The following WDR90 variants were observed in gnomAD, a reference collection of about 807,000 sequenced individuals.
WDR90 encodes the protein WD repeat-containing protein 90.
A neutral mutation model predicts 195.2 loss-of-function variants in WDR90; 238 were observed. That is an observed-to-expected ratio of 1.22 (90% CI 1.10 to 1.36). WDR90 has a LOEUF of 1.36. WDR90 is among the 40% of genes most tolerant of loss of function. WDR90 has a pLI of 0.00. For synonymous variants in WDR90, 1,265 were observed against 1,052.4 expected (o/e 1.20, Z -3.91); for missense variants, 2,734 against 2,439.5 (o/e 1.12, Z -2.54).
rs2037604530 is a variant in WDR90 at position 649,869 on chromosome 16, G to A, written c.102+15G>A. The A allele has an allele frequency of 6.3e-7, 1 of 1,575,322 alleles. No homozygotes were observed. Among genetic ancestry groups the A allele is most frequent in the Middle Eastern group, 1.8e-4 (1 of 5,624 alleles). The stretch of plus-strand genomic sequence containing the variant: ...CCGTGGTCACGGTAGGCGGCCGGGG[G>A]CTCGCCCGGAGCCCACACCCCTGCC... On this transcript the variant is annotated intron_variant, in intron 2 of 40. Coordinates refer to ENST00000293879, the MANE Select transcript of WDR90 (RefSeq NM_145294.5).
At position 650,627 on chromosome 16, in the gene WDR90, C is replaced by G; in HGVS notation, c.477C>G (p.Cys159Trp). 6.2e-7 allele frequency: 1 copy of G among 1,612,790 alleles called. No homozygotes were observed. Among genetic ancestry groups the G allele is most frequent in the East Asian group, 2.2e-5 (1 of 44,874 alleles). The stretch of plus-strand genomic sequence containing the variant: ...TTCTCCTGGTCTACCTGAACCGGTG[C>G]TACGGCCATCTCAAGAGCATCAGGC... Reference protein sequence around the residue: ...QDVLLVYLNRCYGHLKSIRLC... With the variant: ...QDVLLVYLNRWYGHLKSIRLC... Residue 159 changes from cysteine to tryptophan, a missense_variant, in exon 5 of 41, where the codon TGC becomes TGG. Coordinates refer to ENST00000293879, the MANE Select transcript of WDR90 (RefSeq NM_145294.5).
At position 656,539 on chromosome 16, in the gene WDR90, T is replaced by G. The variant is rs2151237282; in HGVS notation, c.2202+2T>G. The G allele has an allele frequency of 1.3e-6, 2 of 1,565,026 alleles. No homozygotes were observed. Among genetic ancestry groups the G allele is most frequent in the Non-Finnish European group, 1.7e-6 (2 of 1,157,030 alleles). On this transcript the variant is annotated splice_donor_variant, in intron 18 of 40. Coordinates refer to ENST00000293879, the MANE Select transcript of WDR90 (RefSeq NM_145294.5). LOFTEE classifies it high-confidence loss of function. ...TGGGACCTGGCCACCCTGCAGCAGGTGGGGTTTGGCAGGGGCAGCACGGCA... is the reference window on the plus strand; with the variant it reads ...TGGGACCTGGCCACCCTGCAGCAGGGGGGGTTTGGCAGGGGCAGCACGGCA...
chr16:656,444 G>A lies in WDR90; in HGVS notation c.2109G>A (p.Val703=). The part of the protein sequence containing the change: ...HMLARSHTAP[V]LALAMEQRRG... The stretch of plus-strand genomic sequence containing the variant: ...TGGCTCGCTCCCACACCGCCCCGGT[G>A]TTGGCCCTCGCCATGGAGCAGAGGC... The change falls in exon 18 of 41, where the codon GTG becomes GTA. Residue 703 remains valine (V), a synonymous_variant. Transcript: ENST00000293879. 6.2e-7 allele frequency: 1 copy of A among 1,601,148 alleles called. No individual in the cohort carries two copies. The highest frequency in any genetic ancestry group is 8.5e-7 in the Non-Finnish European group (1 of 1,176,724).
chr16:650,648 C>T lies in WDR90; in HGVS notation c.498C>T (p.Ile166=). 6.2e-7 allele frequency: 1 copy of T among 1,612,774 alleles called. No homozygotes were observed. Among genetic ancestry groups the T allele is most frequent in the South Asian group, 1.1e-5 (1 of 91,084 alleles). ...LNRCYGHLKS[I]RLCASLLVRN... ...GGTGCTACGGCCATCTCAAGAGCAT[C>T]AGGCTGTGCGCCAGCCTGCTGGTCA... Residue 166 remains isoleucine (I), a synonymous_variant, in exon 5 of 41, where the codon ATC becomes ATT. Transcript: ENST00000293879.
At chr16:667,204 G>A (rs974596604) in intron 40 of WDR90, among the ~76,000 whole-genome samples, 3 of 152,228 alleles carry the variant, frequency 2.0e-5, no homozygotes, top group Non-Finnish European at 4.4e-5. Context: ...CTGAATGCAC[G>A]GGTGGCAGCG....
intron 10 of WDR90, among the ~76,000 whole-genome samples, chr16:653,110 C>CT (rs2037678499): frequency 6.6e-6 from 1 of 152,232 alleles, no homozygotes; most frequent in Admixed American, 6.5e-5. Context: ...GTACACGTGT[C>CT]TGCTTGAGTG....
At position 651,539 on chromosome 16, in the gene WDR90, G is replaced by A; in HGVS notation, c.737-105G>A. The A allele has an allele frequency of 2.6e-6, 3 of 1,152,672 alleles. No individual in the cohort carries two copies. In the Admixed American group the frequency reaches 6.0e-5, roughly 23 times the overall value. 71.4% of individuals were successfully genotyped at this position (1,152,672 alleles called of 1,614,324 possible). A position where few individuals can be genotyped will look rare whatever the true frequency, so the allele number is the denominator to read the frequency against. On this transcript the variant is annotated intron_variant, in intron 7 of 40. Coordinates refer to ENST00000293879, the MANE Select transcript of WDR90 (RefSeq NM_145294.5). ...GGATACTGGCTGTGGGTCCTGCAGAGCCGGTGAGGCTGGGCCACTTGCTGC... is the reference window on the plus strand; with the variant it reads ...GGATACTGGCTGTGGGTCCTGCAGAACCGGTGAGGCTGGGCCACTTGCTGC...
At chr16:665,462 G>T in intron 34 of WDR90, 1 of 673,728 alleles carries the variant, frequency 1.5e-6, no homozygotes, top group Non-Finnish European at 2.5e-6. Context: ...GGTTTGACTG[G>T]CTAGTGGGCT....
chr16:650,456 C>A, intron 4 of WDR90, 83 bp from the exon 5 acceptor site: 2 of 1,588,706 alleles, frequency 1.3e-6, no homozygotes, highest in Non-Finnish European at 1.7e-6. Flanking sequence ...TGGAGGACAA[C>A]CTGGCGGGGG....
chr16:661,566 A>T (rs2037914962), intron 30 of WDR90, 31 bp from the exon 31 acceptor site: 1 of 1,579,996 alleles, frequency 6.3e-7, no homozygotes, highest in Non-Finnish European at 8.6e-7. Flanking sequence ...GCATCTGTGC[A>T]CCTGACGTGG....
rs937052077 is a variant in WDR90 at position 661,980 on chromosome 16, C to T, written c.3954C>T (p.Thr1318=). The change falls in exon 32 of 41, where the codon ACC becomes ACT. Residue 1318 remains threonine, a synonymous_variant. Coordinates refer to ENST00000293879, the MANE Select transcript of WDR90 (RefSeq NM_145294.5). The part of the protein sequence containing the change: ...YGAPPLLYCG[T]SSGQVCVWDT... ...CACCTCCCCTGCTCTATTGTGGCAC[C>T]AGCTCTGGCCAGGTCTGTGTCTGGG... is the stretch of plus-strand genomic sequence containing the variant. 5 of 1,605,796 alleles carry T rather than the reference C, an allele frequency of 3.1e-6. No individual in the cohort carries two copies. The highest frequency in any genetic ancestry group is 3.4e-6 in the Non-Finnish European group (4 of 1,179,908).
At chr16:660,442 C>A in intron 27 of WDR90, 170 bp from the exon 28 acceptor site, 1 of 720,164 alleles carries the variant, frequency 1.4e-6, no homozygotes, top group Non-Finnish European at 2.3e-6. Context: ...CCTCCTGGCC[C>A]TGGCACAGTG....
At position 651,241 on chromosome 16, in the gene WDR90, G is replaced by A; in HGVS notation, c.711G>A (p.Glu237=). 3 of 1,613,244 alleles carry A rather than the reference G, an allele frequency of 1.9e-6. No individual in the cohort carries two copies. The highest frequency in any genetic ancestry group is 2.2e-5 in the East Asian group (1 of 44,880). Reference sequence around the variant, plus strand: ...TGAAAGTGCCTTCCAAGCCGATTGAGAAGAGCTGTTCCCCTCCTGAGGCAG... The same window carrying A: ...TGAAAGTGCCTTCCAAGCCGATTGAAAAGAGCTGTTCCCCTCCTGAGGCAG... ...ESLKVPSKPI[E]KSCSPPEAVL... is the part of the protein sequence containing the mutation. The change falls in exon 7 of 41, where the codon GAG becomes GAA. Residue 237 remains glutamate, a synonymous_variant. Transcript: ENST00000293879.
Position 666,351 on chromosome 16 carries a change from G to A in WDR90, c.4740+1G>A, listed in dbSNP as rs374513963. On this transcript the variant is annotated splice_donor_variant, in intron 37 of 40. Transcript: ENST00000293879. LOFTEE classifies it high-confidence loss of function. ...TACCATCTGTGTCACGTGCAAAGAGGTAAAGCAGCCCCAAGAGCTGGGGAG... is the reference window on the plus strand; with the variant it reads ...TACCATCTGTGTCACGTGCAAAGAGATAAAGCAGCCCCAAGAGCTGGGGAG... 1.2e-6 allele frequency: 2 copies of A among 1,612,540 alleles called. No homozygotes were observed. Among genetic ancestry groups the A allele is most frequent in the African/African-American group, 1.3e-5 (1 of 74,938 alleles).
intron 20 of WDR90, 24 bp from the exon 21 acceptor site, chr16:657,738 G>T (rs781714540): frequency 3.9e-6 from 6 of 1,526,126 alleles, no homozygotes; most frequent in Middle Eastern, 1.9e-4. Flanking sequence ...CCACCCAGCT[G>T]ACCCCTGCCC....
intron 18 of WDR90, 64 bp downstream of exon 18, chr16:656,601 G>T (rs1164057715): frequency 1.3e-6 from 2 of 1,575,010 alleles, no homozygotes; most frequent in Non-Finnish European, 8.6e-7. Context: ...GGGTTTGTCA[G>T]CGGGGGTGAG....
chr16:660,795 C>G (rs550791188), intron 28 of WDR90, 81 bp downstream of exon 28: 5 of 1,429,180 alleles, frequency 3.5e-6, no homozygotes, highest in Admixed American at 2.3e-5. Context: ...AAGGCCAGGA[C>G]CTGGTGGCAA....
At chr16:660,466 C>T (rs2037871833) in intron 27 of WDR90, 146 bp from the exon 28 acceptor site, 2 of 821,464 alleles carry the variant, frequency 2.4e-6, no homozygotes, top group African/African-American at 1.7e-5. Flanking sequence ...ACAGCTCCCA[C>T]ACCTCCTACC....
At chr16:658,151 C>T in intron 21 of WDR90, 32 bp from the exon 22 acceptor site, 1 of 1,592,976 alleles carries the variant, frequency 6.3e-7, no homozygotes. Flanking sequence ...GCCCAGGGGC[C>T]CTGACTGTCG....
Sources: gnomAD v4.1 joint callset for allele counts (sites outside exome capture counted in the v4.1 genomes callset) on GRCh38, gnomAD v4.1.1 for gene constraint, MANE v1.5 for transcripts, NCBI Gene and HGNC (gene_info 2026-07-23, HGNC 2026-07-21) for gene names.